USP28: variants seen among roughly 807,000 people sequenced by gnomAD.
The protein encoded by USP28 is ubiquitin specific peptidase 28.
USP28 carries 113 observed loss-of-function variants against 145.0 expected under a neutral mutation model. The ratio of observed to expected loss-of-function variants is 0.78; its 90% CI spans 0.67 to 0.91. The LOEUF (loss-of-function observed/expected upper bound fraction) is 0.91. Ranked by LOEUF, USP28 falls within the 40% of genes least tolerant of loss-of-function variation. The probability of loss-of-function intolerance (pLI) is 0.00; values close to 1 mark genes in which losing one functional copy is unlikely to be tolerated. For missense variants in USP28, 1,201 were observed against 1,289.6 expected (o/e 0.93, Z 1.05); for synonymous variants, 447 against 450.9 (o/e 0.99, Z 0.11).
chr11:113,847,007 A>G (rs112410879), intron 3 of USP28, among the ~76,000 whole-genome samples: 2,134 of 152,260 alleles, frequency 0.014, 57 homozygotes, highest in African/African-American at 0.048. Context: ...AAATAAATAA[A>G]TTAATAAATA....
chr11:113,815,232 T>C (rs778484375), exon 14 of USP28: 1 of 1,614,224 alleles, frequency 6.2e-7, no homozygotes, highest in South Asian at 1.1e-5. Context: ...TAACAAAATT[T>C]ATCTCCTCAT....
At chr11:113,835,563 A>G (rs1246339938) in intron 5 of USP28, among the ~76,000 whole-genome samples, 3 of 152,220 alleles carry the variant, frequency 2.0e-5, no homozygotes, top group Admixed American at 6.5e-5. Flanking sequence ...ATGCTGCACC[A>G]AAGTTCTCTC....
intron 7 of USP28, 94 bp from the exon 8 acceptor site, chr11:113,832,087 A>T: frequency 9.9e-7 from 1 of 1,012,818 alleles, no homozygotes. Context: ...AGATTATACT[A>T]CTATAAAAGC....
chr11:113,874,410 G>A (rs1010780920), intron 1 of USP28: 21 of 1,061,302 alleles, frequency 2.0e-5, no homozygotes, highest in Admixed American at 1.2e-4. Context: ...AGGCAACAGA[G>A]GGAGACTCTG....
intron 10 of USP28, among the ~76,000 whole-genome samples, chr11:113,827,848 A>G (rs1329514544): frequency 2.6e-5 from 4 of 152,248 alleles, no homozygotes; most frequent in Non-Finnish European, 5.9e-5. Context: ...TCTATTAACC[A>G]TAATTTGAAT....
chr11:113,807,603 A>G (rs1940226513), intron 18 of USP28, among the ~76,000 whole-genome samples: 1 of 152,172 alleles, frequency 6.6e-6, no homozygotes. Context: ...AGGTAAAACA[A>G]TGGACTAATA....
chr11:113,803,209 G>C (rs769539904), exon 23 of USP28: 1 of 1,614,130 alleles, frequency 6.2e-7, no homozygotes, highest in Non-Finnish European at 8.5e-7. Flanking sequence ...TGACCCCCCG[G>C]CGGGGCCCCT....
chr11:113,803,894 A>C lies in USP28; in HGVS notation c.2659-17T>G. The stretch of plus-strand genomic sequence containing the variant: ...ATGCCACTTCTGAAAAAGAATGACG[A>C]TTATTAATAATCATGATCATAATAG... On this transcript the variant is annotated splice_polypyrimidine_tract_variant and intron_variant, in intron 21 of 24. Coordinates refer to ENST00000003302, the Ensembl canonical transcript of USP28. The C allele has an allele frequency of 6.2e-7, 1 of 1,602,540 alleles. No homozygotes were observed. The highest frequency in any genetic ancestry group is 8.5e-7 in the Non-Finnish European group (1 of 1,171,630).
At chr11:113,837,574 G>C (rs560356118) in intron 5 of USP28, among the ~76,000 whole-genome samples, 27 of 152,326 alleles carry the variant, frequency 1.8e-4, no homozygotes, top group African/African-American at 6.5e-4. Context: ...AGGGGCCCAA[G>C]CAAATTGATC....
In USP28 at chr11:113,806,566, T is replaced by C. The variant is rs773821186; in HGVS notation, c.2323A>G (p.Met775Val). The C allele has an allele frequency of 1.0e-5, 16 of 1,588,734 alleles. No homozygotes were observed. The highest frequency in any genetic ancestry group is 7.3e-5 in the Admixed American group (4 of 54,710). Residue 775 changes from methionine (M) to valine (V), a missense_variant, in exon 19 of 25, where the codon ATG becomes GTG. Transcript: ENST00000003302. ...GCTATGGCCAGGATGACCCCTTGCA[T>C]GGCAGGGCTCAGCATCACCTACCAC...
intron 11 of USP28, among the ~76,000 whole-genome samples, 177 bp downstream of exon 11, chr11:113,827,056 T>G (rs1334087211): frequency 6.6e-6 from 1 of 151,620 alleles, no homozygotes; most frequent in African/African-American, 2.4e-5. Flanking sequence ...AGAAGCAACA[T>G]GAGCACAACC....
At chr11:113,875,364 C>T in intron 1 of USP28, 81 bp downstream of exon 1, 1 of 1,103,848 alleles carries the variant, frequency 9.1e-7, no homozygotes, top group Admixed American at 4.9e-5. Flanking sequence ...CAGCCCGCAA[C>T]CCGCAGCCCT....
At chr11:113,827,100 A>C (rs1943461543) in intron 11 of USP28, 133 bp downstream of exon 11, 2 of 1,151,708 alleles carry the variant, frequency 1.7e-6, no homozygotes, top group Admixed American at 5.4e-5. Context: ...AAGACCCTCA[A>C]CCTAGACTCA....
At chr11:113,832,097 C>T in intron 7 of USP28, 104 bp from the exon 8 acceptor site, 1 of 977,890 alleles carries the variant, frequency 1.0e-6, no homozygotes, top group Admixed American at 2.4e-5. Context: ...ACTATAAAAG[C>T]ATTTCTTTTT....
At chr11:113,800,745 A>C (rs769503139) in intron 24 of USP28, among the ~76,000 whole-genome samples, 2 of 152,160 alleles carry the variant, frequency 1.3e-5, no homozygotes, top group Non-Finnish European at 2.9e-5. Flanking sequence ...ACAGTCCACT[A>C]ATTAATCTTG....
At chr11:113,819,423 T>C (rs1193639093) in intron 12 of USP28, among the ~76,000 whole-genome samples, 2 of 152,150 alleles carry the variant, frequency 1.3e-5, no homozygotes, top group African/African-American at 4.8e-5. Flanking sequence ...AACATTTTTA[T>C]TCTTAAACTG....
intron 3 of USP28, among the ~76,000 whole-genome samples, chr11:113,842,745 G>T (rs926551706): frequency 1.3e-5 from 2 of 151,820 alleles, no homozygotes; most frequent in African/African-American, 4.8e-5. Flanking sequence ...TTTCTTTCAG[G>T]ATAAAAACTC....
intron 10 of USP28, 134 bp downstream of exon 10, chr11:113,829,063 G>C (rs1943689396): frequency 1.3e-5 from 16 of 1,191,532 alleles, no homozygotes; most frequent in Non-Finnish European, 1.6e-5. Flanking sequence ...CAACTGATGA[G>C]AGACTTAAGA....
intron 1 of USP28, among the ~76,000 whole-genome samples, chr11:113,869,668 A>G (rs1238598091): frequency 6.6e-6 from 1 of 152,184 alleles, no homozygotes; most frequent in East Asian, 1.9e-4. Flanking sequence ...TTTGTAAATA[A>G]AAATGTATGG....
Sources: allele counts gnomAD v4.1 joint callset (sites outside exome capture counted in the v4.1 genomes callset), GRCh38; gene constraint gnomAD v4.1.1; transcripts MANE v1.5; gene names NCBI Gene and HGNC (gene_info 2026-07-23, HGNC 2026-07-21).